DOCK8: variants seen among roughly 807,000 people sequenced by gnomAD.
DOCK8 encodes dedicator of cytokinesis protein 8.
A neutral mutation model predicts 245.6 loss-of-function variants in DOCK8; 141 were observed. That is an observed-to-expected ratio of 0.57 (90% CI 0.50 to 0.66). The LOEUF is 0.66. Among genes scored for constraint, DOCK8 ranks in the 30% least tolerant of loss-of-function variants. The probability of loss-of-function intolerance (pLI) is 0.00; values close to 1 mark genes in which losing one functional copy is unlikely to be tolerated. For synonymous variants in DOCK8, 1,168 were observed against 970.2 expected (o/e 1.20, Z -3.79); for missense variants, 2,965 against 2,603.4 (o/e 1.14, Z -3.02).
In DOCK8 at chr9:363,320, ATGGGC is replaced by A. The variant is rs1248383620; in HGVS notation, c.1680-4695_1680-4691del. ...TAACAAGTGGCAAATTATTAAGGTC[ATGGGC>A]TGTCTTCTCAAAATTACTTAGATAA... On this transcript the variant is annotated intron_variant, in intron 14 of 47. Coordinates refer to ENST00000432829, the MANE Select transcript of DOCK8 (RefSeq NM_203447.4). Among the ~76,000 whole-genome samples, 4 of 152,346 alleles carry A rather than the reference ATGGGC, an allele frequency of 2.6e-5. No individual in the cohort carries two copies. In the East Asian group the frequency reaches 7.7e-4, roughly 29 times the overall value.
intron 17 of DOCK8, 111 bp downstream of exon 17, chr9:371,677 G>A: frequency 4.9e-6 from 7 of 1,434,986 alleles, no homozygotes; most frequent in Non-Finnish European, 5.8e-6. Context: ...GTCAGAAGTA[G>A]CAAAACATGC....
At chr9:236,607 C>T (rs2047255015) in intron 1 of DOCK8, among the ~76,000 whole-genome samples, 1 of 152,156 alleles carries the variant, frequency 6.6e-6, no homozygotes, top group African/African-American at 2.4e-5. Context: ...TTCCAGGAGC[C>T]TGGCTTAAAG....
intron 1 of DOCK8, among the ~76,000 whole-genome samples, chr9:249,865 C>T (rs552902566): frequency 4.9e-4 from 75 of 151,522 alleles, no homozygotes; most frequent in African/African-American, 1.7e-3. Flanking sequence ...TGACCTCAAG[C>T]GACGCCCCCG....
intron 46 of DOCK8, among the ~76,000 whole-genome samples, chr9:454,870 C>T (rs1272254882): frequency 6.6e-6 from 1 of 152,052 alleles, no homozygotes; most frequent in Non-Finnish European, 1.5e-5. Flanking sequence ...AAAAGTTACT[C>T]CAAAAAGAAC....
chr9:427,671 A>G (rs1285756211), intron 34 of DOCK8, among the ~76,000 whole-genome samples: 1 of 152,228 alleles, frequency 6.6e-6, no homozygotes, highest in Non-Finnish European at 1.5e-5. Context: ...TTTTAGGGCT[A>G]GAAGAAATAT....
chr9:228,541 A>G (rs1015753853), intron 1 of DOCK8, among the ~76,000 whole-genome samples: 4 of 152,108 alleles, frequency 2.6e-5, no homozygotes, highest in African/African-American at 9.7e-5. Context: ...CTGTTTACAA[A>G]CCACCTCCTG....
chr9:318,338 T>C (rs1018180427), intron 7 of DOCK8, among the ~76,000 whole-genome samples: 2 of 152,244 alleles, frequency 1.3e-5, no homozygotes, highest in Non-Finnish European at 2.9e-5. Context: ...CAGCGGCCCC[T>C]GGTTTGCAGT....
chr9:348,067 C>T (rs76249297), intron 14 of DOCK8, among the ~76,000 whole-genome samples: 9,907 of 151,942 alleles, frequency 0.065, 445 homozygotes, highest in African/African-American at 0.12. Context: ...GTCATTTTTT[C>T]GCAAAGGATT....
In DOCK8 at chr9:418,285, G is replaced by A; in HGVS notation, c.3840+78G>A. ...TCTGTTTTGTTTTGTTTGTTTGTTTGTTTTGAGACAGAGTCTCACTCTGTT... is the reference window on the plus strand; with the variant it reads ...TCTGTTTTGTTTTGTTTGTTTGTTTATTTTGAGACAGAGTCTCACTCTGTT... On this transcript the variant is annotated intron_variant, in intron 30 of 47. Transcript: ENST00000432829. The A allele has an allele frequency of 3.2e-6, 5 of 1,583,926 alleles. No individual in the cohort carries two copies. In the South Asian group the frequency reaches 4.4e-5, roughly 14 times the overall value.
At position 274,673 on chromosome 9, in the gene DOCK8, T is replaced by A. The variant is rs533842419; in HGVS notation, c.156+2944T>A. 1.9e-4 allele frequency among the ~76,000 whole-genome samples: 28 copies of A among 146,680 alleles called. 1 individual carries two copies. The highest frequency in any genetic ancestry group is 3.8e-4 in the Non-Finnish European group (25 of 66,046). On this transcript the variant is annotated intron_variant, in intron 2 of 47. Transcript: ENST00000432829. ...ATTTCCTTTTACCTTTAAAAAAAAA[T>A]TTCTTTTCATGGAAAGATAATGGAA...
At position 325,656 on chromosome 9, in the gene DOCK8, CTCTT is replaced by C. The variant is rs775129023; in HGVS notation, c.828-11_828-8del. ...AACTCAAAGCCACATAGATTTTCCT[CTCTT>C]TCTATGGTAGGTTCGAGATTGAAAT... On this transcript the variant is annotated splice_polypyrimidine_tract_variant and intron_variant, in intron 7 of 47. Transcript: ENST00000432829. 4.3e-6 allele frequency: 7 copies of C among 1,611,958 alleles called. No individual in the cohort carries two copies. The South Asian group carries it at 6.6e-5, about 15-fold the overall frequency.
At chr9:367,995 A>G (rs781184793) in intron 14 of DOCK8, 23 bp from the exon 15 acceptor site, 2 of 1,575,406 alleles carry the variant, frequency 1.3e-6, no homozygotes, top group Admixed American at 1.7e-5. Context: ...TTTTTCATTG[A>G]TTCTTTATCT....
chr9:333,580 G>A, intron 10 of DOCK8, among the ~76,000 whole-genome samples: 1 of 148,232 alleles, frequency 6.7e-6, no homozygotes. Context: ...CAGCCTGGGT[G>A]ACAGAGTGAG....
chr9:420,715 C>A, intron 31 of DOCK8, 132 bp downstream of exon 31: 1 of 1,294,896 alleles, frequency 7.7e-7, no homozygotes, highest in Non-Finnish European at 1.1e-6. Flanking sequence ...AAATCCATAA[C>A]CCATTTGTAG....
At chr9:352,798 G>A (rs1184083033) in intron 14 of DOCK8, among the ~76,000 whole-genome samples, 1 of 151,444 alleles carries the variant, frequency 6.6e-6, no homozygotes, top group African/African-American at 2.4e-5. Flanking sequence ...CTGTAAGAAG[G>A]ACTGTTAACC....
At chr9:323,526 C>G (rs183188782) in intron 7 of DOCK8, among the ~76,000 whole-genome samples, 15 of 152,210 alleles carry the variant, frequency 9.9e-5, no homozygotes, top group African/African-American at 3.4e-4. Context: ...TGGCCAAAAT[C>G]TACCATCTTA....
chr9:437,737 T>C (rs1007539625), intron 39 of DOCK8, among the ~76,000 whole-genome samples: 1 of 152,220 alleles, frequency 6.6e-6, no homozygotes, highest in Non-Finnish European at 1.5e-5. Flanking sequence ...AACTTTGAGG[T>C]CACTGAATTC....
intron 14 of DOCK8, among the ~76,000 whole-genome samples, chr9:367,361 G>A (rs909645381): frequency 2.0e-5 from 3 of 152,194 alleles, no homozygotes; most frequent in African/African-American, 7.2e-5. Context: ...AAAAATCCCT[G>A]TCCTTGTGGA....
At chr9:220,883 G>T (rs955049172) in intron 1 of DOCK8, 1 of 269,558 alleles carries the variant, frequency 3.7e-6, no homozygotes, top group Non-Finnish European at 7.5e-6. Context: ...ACCACGCCCG[G>T]CTAATTTTTG....
Sources: gnomAD v4.1 joint callset for allele counts (sites outside exome capture counted in the v4.1 genomes callset) on GRCh38, gnomAD v4.1.1 for gene constraint, MANE v1.5 for transcripts, NCBI Gene and HGNC (gene_info 2026-07-23, HGNC 2026-07-21) for gene names.